CEP128: variants seen among roughly 807,000 people sequenced by gnomAD.
CEP128 encodes centrosomal protein 128kDa.
A neutral mutation model predicts 156.7 loss-of-function variants in CEP128; 132 were observed. The ratio of observed to expected loss-of-function variants is 0.84; its 90% CI spans 0.73 to 0.97. CEP128 has a LOEUF of 0.97. Ranked by LOEUF, CEP128 falls within the 50% of genes least tolerant of loss-of-function variation. CEP128 has a pLI of 0.00. For synonymous variants in CEP128, 469 were observed against 448.9 expected, an observed-to-expected ratio of 1.04 and a Z score of -0.57; for missense variants, 1,252 against 1,281.9, an observed-to-expected ratio of 0.98 and a Z score of 0.36.
At chr14:80,707,718 C>T (rs1016085850) in intron 19 of CEP128, among the ~76,000 whole-genome samples, 14 of 152,094 alleles carry the variant, frequency 9.2e-5, no homozygotes, top group Non-Finnish European at 1.3e-4. Flanking sequence ...TCTCAGTTTT[C>T]AATAATACCT....
chr14:80,785,658 C>A, intron 14 of CEP128, 113 bp from the exon 15 acceptor site: 1 of 740,778 alleles, frequency 1.3e-6, no homozygotes, highest in Non-Finnish European at 2.1e-6. Flanking sequence ...AAAAAAAATT[C>A]ATCAAATAAT....
chr14:80,518,927 A>G (rs184252834), intron 23 of CEP128, among the ~76,000 whole-genome samples: 3 of 152,228 alleles, frequency 2.0e-5, no homozygotes, highest in Admixed American at 6.5e-5. Context: ...TGAAAAAAAT[A>G]ATGTCATCTC....
At chr14:80,815,418 G>T (rs554910578) in intron 13 of CEP128, among the ~76,000 whole-genome samples, 1 of 152,130 alleles carries the variant, frequency 6.6e-6, no homozygotes, top group Admixed American at 6.5e-5. Context: ...AAAAATGCCA[G>T]ATGTTGATGA....
chr14:80,887,965 G>C (rs1174104169), intron 8 of CEP128, among the ~76,000 whole-genome samples: 1 of 152,166 alleles, frequency 6.6e-6, no homozygotes, highest in Non-Finnish European at 1.5e-5. Context: ...TGATCCCACA[G>C]AAATACACAC....
intron 9 of CEP128, among the ~76,000 whole-genome samples, chr14:80,854,129 A>G (rs1374334800): frequency 1.3e-5 from 2 of 152,184 alleles, no homozygotes; most frequent in African/African-American, 4.8e-5. Flanking sequence ...AAAAGTGAAT[A>G]AACATAAAAA....
At chr14:80,871,672 T>C (rs1284278507) in intron 8 of CEP128, among the ~76,000 whole-genome samples, 1 of 152,154 alleles carries the variant, frequency 6.6e-6, no homozygotes, top group Admixed American at 6.6e-5. Context: ...TTTTTCTTTC[T>C]CTGAGACCTA....
chr14:80,508,583 T>A lies in CEP128; in HGVS notation c.3073-3563A>T, dbSNP rs186647528. On this transcript the variant is annotated intron_variant, in intron 23 of 24. Coordinates refer to ENST00000555265, the MANE Select transcript of CEP128 (RefSeq NM_152446.5). ...AGTATTCTCTGTTATAAATAATCATTTGATAAACATCTTGGTACAAAAACT... is the reference window on the plus strand; with the variant it reads ...AGTATTCTCTGTTATAAATAATCATATGATAAACATCTTGGTACAAAAACT... 2.8e-3 allele frequency among the ~76,000 whole-genome samples: 422 copies of A among 152,294 alleles called. 1 individual carries two copies. Among genetic ancestry groups the A allele is most frequent in the African/African-American group, 9.4e-3 (392 of 41,570 alleles).
chr14:80,562,388 C>T (rs549216845), intron 20 of CEP128, among the ~76,000 whole-genome samples: 30 of 152,146 alleles, frequency 2.0e-4, no homozygotes, highest in Admixed American at 5.2e-4. Flanking sequence ...TAATAAGATA[C>T]CAGCCATTGT....
intron 19 of CEP128, among the ~76,000 whole-genome samples, chr14:80,684,427 C>T (rs1382064707): frequency 6.6e-6 from 1 of 151,970 alleles, no homozygotes; most frequent in Non-Finnish European, 1.5e-5. Context: ...AGAACCATAT[C>T]GAGTTCCAAA....
chr14:80,895,814 A>G, intron 7 of CEP128, 24 bp from the exon 8 acceptor site: 2 of 1,425,594 alleles, frequency 1.4e-6, no homozygotes, highest in South Asian at 2.8e-5. Context: ...AAAAAAAAAG[A>G]TTTAAATTTG....
chr14:80,770,303 T>C (rs930333802), intron 16 of CEP128, among the ~76,000 whole-genome samples: 1 of 152,234 alleles, frequency 6.6e-6, no homozygotes, highest in Admixed American at 6.5e-5. Context: ...GGCTTCATCA[T>C]AGCTGTGTTC....
chr14:80,898,495 T>C (rs1889449605), intron 7 of CEP128, among the ~76,000 whole-genome samples: 1 of 152,180 alleles, frequency 6.6e-6, no homozygotes, highest in Non-Finnish European at 1.5e-5. Flanking sequence ...CAAAAACTAT[T>C]ACCAGATACT....
At chr14:80,768,190 T>C (rs1479786558) in intron 16 of CEP128, among the ~76,000 whole-genome samples, 1 of 152,184 alleles carries the variant, frequency 6.6e-6, no homozygotes, top group Non-Finnish European at 1.5e-5. Context: ...GTAAGTTAGT[T>C]CTCTTTTGTT....
At chr14:80,837,615 C>A (rs1481468243) in intron 11 of CEP128, among the ~76,000 whole-genome samples, 1 of 152,186 alleles carries the variant, frequency 6.6e-6, no homozygotes, top group Non-Finnish European at 1.5e-5. Context: ...TACTGGGAGG[C>A]TGAGGCAGGA....
intron 19 of CEP128, among the ~76,000 whole-genome samples, chr14:80,673,439 C>A (rs1007427577): frequency 6.7e-6 from 1 of 149,872 alleles, no homozygotes; most frequent in Non-Finnish European, 1.5e-5. Context: ...GTCAGGAGAT[C>A]GAGACCATCC....
chr14:80,864,561 ATTTT>A, intron 8 of CEP128, among the ~76,000 whole-genome samples: 1 of 144,842 alleles, frequency 6.9e-6, no homozygotes, highest in East Asian at 2.0e-4. Context: ...TTGTTTCTCA[ATTTT>A]TTTTTTTTTT....
In CEP128 at chr14:80,531,037, C is replaced by T. The variant is rs1341305340; in HGVS notation, c.2881-151G>A. ...ATAAGAACATATATAATAGTATTTT[C>T]AAGATAAATGTATCTTTTGAAAATA... On this transcript the variant is annotated intron_variant, in intron 21 of 24. Coordinates refer to ENST00000555265, the MANE Select transcript of CEP128 (RefSeq NM_152446.5). 9.2e-5 allele frequency: 35 copies of T among 381,828 alleles called. No homozygotes were observed. In the Admixed American group the frequency reaches 1.4e-3, roughly 16 times the overall value. 23.7% of individuals were successfully genotyped at this position (381,828 alleles called of 1,614,324 possible).
chr14:80,751,770 C>T (rs1455514601), intron 18 of CEP128, among the ~76,000 whole-genome samples: 3 of 151,890 alleles, frequency 2.0e-5, no homozygotes, highest in Non-Finnish European at 4.4e-5. Flanking sequence ...GCTGGGATTA[C>T]AGGCTCCCGC....
intron 16 of CEP128, among the ~76,000 whole-genome samples, chr14:80,774,207 A>C (rs1566906484): frequency 6.6e-6 from 1 of 152,222 alleles, no homozygotes. Flanking sequence ...ATGCAGTTTT[A>C]ATATTTCTTA....
Sources: allele counts gnomAD v4.1 joint callset (sites outside exome capture counted in the v4.1 genomes callset), GRCh38; gene constraint gnomAD v4.1.1; transcripts MANE v1.5; gene names NCBI Gene and HGNC (gene_info 2026-07-23, HGNC 2026-07-21).